MYO3B: variants seen among roughly 807,000 people sequenced by gnomAD.
MYO3B encodes myosin IIIB, also known as myosin-IIIb.
MYO3B carries 156 observed loss-of-function variants against 174.6 expected under a neutral mutation model. The observed-to-expected ratio is 0.89, with a 90% CI of 0.78 to 1.02. MYO3B has a LOEUF of 1.02. Ranked by LOEUF, MYO3B falls within the 50% of genes least tolerant of loss-of-function variation. The probability of loss-of-function intolerance (pLI) is 0.00; values close to 1 mark genes in which losing one functional copy is unlikely to be tolerated. For synonymous variants in MYO3B, 563 were observed against 569.1 expected, an observed-to-expected ratio of 0.99 and a Z score of 0.15; for missense variants, 1,632 against 1,639.4, an observed-to-expected ratio of 1.00 and a Z score of 0.08.
At chr2:170,585,991 T>TG (rs926609972) in intron 32 of MYO3B, among the ~76,000 whole-genome samples, 7 of 152,160 alleles carry the variant, frequency 4.6e-5, no homozygotes, top group African/African-American at 1.7e-4. Context: ...CATTCCAGCC[T>TG]GGGCCACAGA....
chr2:170,302,362 A>G (rs1011893257), intron 7 of MYO3B, among the ~76,000 whole-genome samples: 4 of 152,246 alleles, frequency 2.6e-5, no homozygotes, highest in Non-Finnish European at 4.4e-5. Context: ...GCAATATTGC[A>G]TGGAAGTACT....
At chr2:170,346,761 T>C (rs1443578475) in intron 8 of MYO3B, among the ~76,000 whole-genome samples, 3 of 152,308 alleles carry the variant, frequency 2.0e-5, no homozygotes, top group East Asian at 3.9e-4. Flanking sequence ...AACAAGTATC[T>C]CTCCATGAGG....
At chr2:170,509,441 T>G (rs1262871941) in intron 28 of MYO3B, among the ~76,000 whole-genome samples, 1 of 152,196 alleles carries the variant, frequency 6.6e-6, no homozygotes, top group East Asian at 1.9e-4. Flanking sequence ...CTGTCAAATC[T>G]CAAATTAGAT....
At chr2:170,500,187 C>A (rs1400751399) in intron 27 of MYO3B, among the ~76,000 whole-genome samples, 1 of 152,098 alleles carries the variant, frequency 6.6e-6, no homozygotes, top group Non-Finnish European at 1.5e-5. Context: ...TATTAACATG[C>A]AAGTCATAAA....
chr2:170,503,466 T>C (rs1294983816), intron 28 of MYO3B, among the ~76,000 whole-genome samples: 3 of 151,544 alleles, frequency 2.0e-5, no homozygotes, highest in Admixed American at 6.6e-5. Context: ...TCCCTTTTTT[T>C]TTTTTTTTTT....
intron 7 of MYO3B, among the ~76,000 whole-genome samples, chr2:170,260,436 AGT>A (rs2105348694): frequency 6.6e-6 from 1 of 152,344 alleles, no homozygotes; most frequent in African/African-American, 2.4e-5. Flanking sequence ...TATTATCCTA[AGT>A]GAATTAGTGC....
rs898148210 is a variant in MYO3B at position 170,613,765 on chromosome 2, A to C, written c.3734-37863A>C. Reference sequence around the variant, plus strand: ...ATATAAAGCAGGCAGAAAAATGTGAAAGGAAGAGACGAGACAAGACGAGCC... The same window carrying C: ...ATATAAAGCAGGCAGAAAAATGTGACAGGAAGAGACGAGACAAGACGAGCC... On this transcript the variant is annotated intron_variant, in intron 32 of 34. Transcript: ENST00000408978. Among the ~76,000 whole-genome samples the C allele has an allele frequency of 7.2e-5, 11 of 152,238 alleles. 2 individuals are homozygous for C. The highest frequency in any genetic ancestry group is 2.6e-4 in the African/African-American group (11 of 41,532).
At position 170,202,765 on chromosome 2, in the gene MYO3B, C is replaced by T. The variant is rs548693597; in HGVS notation, c.321+2481C>T. Among the ~76,000 whole-genome samples, 210 of 152,224 alleles carry T rather than the reference C, an allele frequency of 1.4e-3. 4 individuals are homozygous for T. The Middle Eastern group carries it at 0.034, about 25-fold the overall frequency. On this transcript the variant is annotated intron_variant, in intron 3 of 34. Transcript: ENST00000408978. The stretch of plus-strand genomic sequence containing the variant: ...TCTCTCTGCAGCTTTTTAAGGCATG[C>T]TTTAGGGGACTCACACAAAAAAATT...
At position 170,190,364 on chromosome 2, in the gene MYO3B, A is replaced by T. The variant is rs116060836; in HGVS notation, c.3-8844A>T. Among the ~76,000 whole-genome samples, 1,454 of 152,186 alleles carry T rather than the reference A, an allele frequency of 9.6e-3. 14 individuals carry two copies. The highest frequency in any genetic ancestry group is 0.041 in the Middle Eastern group (12 of 294). On this transcript the variant is annotated intron_variant, in intron 1 of 34. Coordinates refer to ENST00000408978, the MANE Select transcript of MYO3B (RefSeq NM_138995.5). ...TAACCACTGCCTGGCTACTGCCTAC[A>T]TTTACTCAAGGCCCTAGGGCTCTGC... is the stretch of plus-strand genomic sequence containing the variant.
chr2:170,648,649 T>TATATAATATATATTATATTCC (rs1698567152), intron 32 of MYO3B, among the ~76,000 whole-genome samples: 1 of 84,580 alleles, frequency 1.2e-5, no homozygotes, highest in Non-Finnish European at 2.0e-5. Flanking sequence ...TATTATATTC[T>TATATAATATATATTATATTCC]ATATAATATA....
intron 9 of MYO3B, among the ~76,000 whole-genome samples, chr2:170,372,249 T>C (rs1033037182): frequency 6.6e-6 from 1 of 151,902 alleles, no homozygotes; most frequent in Non-Finnish European, 1.5e-5. Context: ...GTTTCTTCTA[T>C]AAAACGGGGG....
intron 22 of MYO3B, among the ~76,000 whole-genome samples, chr2:170,426,242 G>A (rs1434275829): frequency 6.6e-6 from 1 of 151,850 alleles, no homozygotes; most frequent in Non-Finnish European, 1.5e-5. Context: ...AGGAGGCTGA[G>A]GCGAGAGGAT....
At chr2:170,404,468 G>T in intron 20 of MYO3B, 68 bp downstream of exon 20, 1 of 1,443,650 alleles carries the variant, frequency 6.9e-7, no homozygotes, top group Non-Finnish European at 9.3e-7. Context: ...TCAATTGAGT[G>T]TACTTTAATG....
chr2:170,253,926 G>A (rs2093279634), intron 7 of MYO3B, among the ~76,000 whole-genome samples: 1 of 152,098 alleles, frequency 6.6e-6, no homozygotes, highest in African/African-American at 2.4e-5. Context: ...CGGCTGATTA[G>A]ATGTAGCCAG....
chr2:170,557,902 G>C (rs1299093807), intron 32 of MYO3B, among the ~76,000 whole-genome samples: 1 of 152,102 alleles, frequency 6.6e-6, no homozygotes, highest in Non-Finnish European at 1.5e-5. Context: ...ACAAGATCAA[G>C]GTGGTTGTTT....
At chr2:170,194,702 A>G (rs185534066) in intron 1 of MYO3B, among the ~76,000 whole-genome samples, 1 of 152,220 alleles carries the variant, frequency 6.6e-6, no homozygotes, top group Non-Finnish European at 1.5e-5. Flanking sequence ...GTATATATGA[A>G]AGGGAGCTTA....
chr2:170,394,586 T>C (rs561983704), intron 16 of MYO3B, among the ~76,000 whole-genome samples: 3 of 152,320 alleles, frequency 2.0e-5, no homozygotes, highest in African/African-American at 7.2e-5. Context: ...CATTTTTCAT[T>C]TGTGCCTGGT....
intron 32 of MYO3B, among the ~76,000 whole-genome samples, chr2:170,611,364 A>G (rs1021824230): frequency 1.9e-4 from 29 of 152,310 alleles, no homozygotes; most frequent in African/African-American, 7.0e-4. Context: ...GTTTTTTTAA[A>G]GGGCAAGGGC....
chr2:170,326,415 G>A (rs1430523228), intron 7 of MYO3B, among the ~76,000 whole-genome samples: 1 of 152,194 alleles, frequency 6.6e-6, no homozygotes, highest in African/African-American at 2.4e-5. Flanking sequence ...CCTAGGAAAA[G>A]GGTCGTTAGC....
Sources: allele counts gnomAD v4.1 joint callset (sites outside exome capture counted in the v4.1 genomes callset), GRCh38; gene constraint gnomAD v4.1.1; transcripts MANE v1.5; gene names NCBI Gene and HGNC (gene_info 2026-07-23, HGNC 2026-07-21).